Variants in TRIM34 observed in about 807,000 individuals in gnomAD.
TRIM34 encodes tripartite motif containing 34.
A neutral mutation model predicts 38.1 loss-of-function variants in TRIM34; 41 were observed. The ratio of observed to expected loss-of-function variants is 1.08; its 90% CI spans 0.84 to 1.40. The LOEUF (loss-of-function observed/expected upper bound fraction) is 1.40. Among genes scored for constraint, TRIM34 ranks in the 40% most tolerant of loss-of-function variants. TRIM34 has a pLI of 0.00. For missense variants in TRIM34, 556 were observed against 571.4 expected, an observed-to-expected ratio of 0.97 and a Z score of 0.27; for synonymous variants, 200 against 202.5, an observed-to-expected ratio of 0.99 and a Z score of 0.10.
At chr11:5,636,306 G>C (rs959542019) in intron 4 of TRIM34, among the ~76,000 whole-genome samples, 1 of 152,170 alleles carries the variant, frequency 6.6e-6, no homozygotes, top group African/African-American at 2.4e-5. Context: ...TTATATGAAA[G>C]TCTGTAAGTA....
chr11:5,625,191 G>C (rs182840800), intron 1 of TRIM34, 131 bp downstream of exon 1: 1 of 152,218 alleles, frequency 6.6e-6, no homozygotes, highest in Non-Finnish European at 1.5e-5. Context: ...TAGCTTGCAG[G>C]CTTCCTGCTT....
intron 6 of TRIM34, 128 bp from the exon 7 acceptor site, chr11:5,642,688 AT>A (rs1850064839): frequency 1.5e-6 from 2 of 1,333,366 alleles, no homozygotes; most frequent in Non-Finnish European, 2.0e-6. Context: ...TCTCTGGTTT[AT>A]CTTTTTAATT....
chr11:5,630,063 C>G (rs1416120089), intron 1 of TRIM34, among the ~76,000 whole-genome samples: 1 of 152,150 alleles, frequency 6.6e-6, no homozygotes, highest in African/African-American at 2.4e-5. Flanking sequence ...GCGTGTGAAA[C>G]TAACGTAGCT....
At position 5,644,023 on chromosome 11, in the gene TRIM34, C is replaced by T; in HGVS notation, c.*314C>T. ...AAGAGGCCCAAAGCCTGTTAGCCAC[C>T]ATCCATGCTACCTAGGTAGTCCATA... On this transcript the variant is annotated 3_prime_UTR_variant, in exon 8 of 8. Coordinates refer to ENST00000429814, the MANE Select transcript of TRIM34 (RefSeq NM_021616.6). 1 of 455,680 alleles carries T rather than the reference C, an allele frequency of 2.2e-6. No individual in the cohort carries two copies. Among genetic ancestry groups the T allele is most frequent in the South Asian group, 6.8e-5 (1 of 14,612 alleles). The allele number at this position is 455,680 out of a possible 1,614,324, so 28.2% of individuals were successfully genotyped here. A position where few individuals can be genotyped will look rare whatever the true frequency, so the allele number is the denominator to read the frequency against.
In TRIM34 at chr11:5,632,541, T is replaced by C. The variant is rs1590166889; in HGVS notation, c.210T>C (p.Ala70=). 1 of 1,613,942 alleles carries C rather than the reference T, an allele frequency of 6.2e-7. No individual in the cohort carries two copies. The highest frequency in any genetic ancestry group is 8.5e-7 in the Non-Finnish European group (1 of 1,180,002). The change falls in exon 2 of 8, where the codon GCT becomes GCC. Residue 70 remains alanine, a synonymous_variant. Transcript: ENST00000429814. ...GISYSFEHLQ[A]NQHLANIVER... is the part of the protein sequence containing the mutation. ...GTTACTCATTTGAACATCTACAGGC[T>C]AATCAGCATCTGGCCAACATAGTGG...
In TRIM34 at chr11:5,643,383, T is replaced by A. The variant is rs375812190; in HGVS notation, c.1141T>A (p.Cys381Ser). The change falls in exon 8 of 8, where the codon TGT (cysteine) becomes AGT (serine). Residue 381 changes from cysteine to serine, a missense_variant. By Grantham distance (112) the Cys-to-Ser change is moderately radical. Transcript: ENST00000429814. ...CCATATGAAGTATGTTGTTAGAAGA[T>A]GTGCAAATCGTCAAAATCTTTACAC... is the stretch of plus-strand genomic sequence containing the variant. ...SRHMKYVVRR[C>S]ANRQNLYTKY... 1.9e-6 allele frequency: 3 copies of A among 1,614,026 alleles called. No individual in the cohort carries two copies. The African/African-American group carries it at 4.0e-5, about 22-fold the overall frequency.
At position 5,632,294 on chromosome 11, in the gene TRIM34, C is replaced by G. The variant is rs1849513932; in HGVS notation, c.-38C>G. The stretch of plus-strand genomic sequence containing the variant: ...TTAACCAGAAGAGAGAGGAGAGCCT[C>G]AGGAGTTAGGACCAGAAGAAGCCAG... On this transcript the variant is annotated 5_prime_UTR_variant, in exon 2 of 8. Coordinates refer to ENST00000429814, the MANE Select transcript of TRIM34 (RefSeq NM_021616.6). The G allele has an allele frequency of 6.2e-7, 1 of 1,613,434 alleles. No individual in the cohort carries two copies. The highest frequency in any genetic ancestry group is 8.5e-7 in the Non-Finnish European group (1 of 1,179,742).
Position 5,625,079 on chromosome 11 carries a change from G to A in TRIM34, c.-78+19G>A, listed in dbSNP as rs142004451. 6.6e-6 allele frequency: 1 copy of A among 152,204 alleles called. No individual in the cohort carries two copies. The highest frequency in any genetic ancestry group is 6.5e-5 in the Admixed American group (1 of 15,276). The allele number at this position is 152,204 out of a possible 1,614,324, so 9.4% of individuals were successfully genotyped here. ...TCTGAAGGTGTGTGGGGAGGTTTGTGGGGGGTAGAGGGTATGAGACTCCAG... is the reference window on the plus strand; with the variant it reads ...TCTGAAGGTGTGTGGGGAGGTTTGTAGGGGGTAGAGGGTATGAGACTCCAG... On this transcript the variant is annotated intron_variant, in intron 1 of 7. Coordinates refer to ENST00000429814, the MANE Select transcript of TRIM34 (RefSeq NM_021616.6).
chr11:5,636,545 A>G (rs7947715), intron 4 of TRIM34, among the ~76,000 whole-genome samples: 2,340 of 152,286 alleles, frequency 0.015, 45 homozygotes, highest in African/African-American at 0.047. Context: ...AAACAAAAAC[A>G]AAAAGGTTCC....
Position 5,640,203 on chromosome 11 carries a change from C to T in TRIM34, c.751-964C>T, listed in dbSNP as rs568175787. On this transcript the variant is annotated intron_variant, in intron 4 of 7. Coordinates refer to ENST00000429814, the MANE Select transcript of TRIM34 (RefSeq NM_021616.6). ...AAACATCCTTGTCTTTTCTGATCTTCGGGAAAAAGCATTCAGTTTTTCACC... is the reference window on the plus strand; with the variant it reads ...AAACATCCTTGTCTTTTCTGATCTTTGGGAAAAAGCATTCAGTTTTTCACC... 2.0e-4 allele frequency among the ~76,000 whole-genome samples: 31 copies of T among 152,154 alleles called. No individual in the cohort carries two copies. In the South Asian group the frequency reaches 2.7e-3, roughly 13 times the overall value.
chr11:5,641,972 C>T (rs1850032504), intron 5 of TRIM34, among the ~76,000 whole-genome samples: 1 of 152,104 alleles, frequency 6.6e-6, no homozygotes, highest in Non-Finnish European at 1.5e-5. Context: ...TACAGAGCCC[C>T]GTATCACAGT....
chr11:5,626,002 T>G (rs1849204914), intron 1 of TRIM34, among the ~76,000 whole-genome samples: 1 of 152,244 alleles, frequency 6.6e-6, no homozygotes, highest in Non-Finnish European at 1.5e-5. Flanking sequence ...TTGTGAGCAA[T>G]TTGCACCTTG....
chr11:5,636,750 T>G (rs1712543644), intron 4 of TRIM34, among the ~76,000 whole-genome samples: 1 of 152,218 alleles, frequency 6.6e-6, no homozygotes, highest in South Asian at 2.1e-4. Context: ...GGATTAACAT[T>G]TCACTTCTAG....
At position 5,637,580 on chromosome 11, in the gene TRIM34, A is replaced by T. The variant is rs535897725; in HGVS notation, c.750+2719A>T. The stretch of plus-strand genomic sequence containing the variant: ...GAAGATGGCAGTTACTATTATTTAA[A>T]ATTTTTTTTCCAGGTTTCTTAAAAT... On this transcript the variant is annotated intron_variant, in intron 4 of 7. Transcript: ENST00000429814. Among the ~76,000 whole-genome samples, 3 of 152,276 alleles carry T rather than the reference A, an allele frequency of 2.0e-5. No homozygotes were observed. The South Asian group carries it at 6.2e-4, about 32-fold the overall frequency.
chr11:5,633,445 A>G (rs1182548358), intron 2 of TRIM34, among the ~76,000 whole-genome samples: 1 of 152,170 alleles, frequency 6.6e-6, no homozygotes, highest in Non-Finnish European at 1.5e-5. Context: ...TAAGTGATAA[A>G]TTCCTTCCCA....
intron 4 of TRIM34, among the ~76,000 whole-genome samples, chr11:5,635,087 G>A (rs912619977): frequency 6.6e-6 from 1 of 151,992 alleles, no homozygotes; most frequent in African/African-American, 2.4e-5. Flanking sequence ...TAGTCTCTAG[G>A]CCCCTATTAT....
chr11:5,636,508 T>G (rs1164210865), intron 4 of TRIM34, among the ~76,000 whole-genome samples: 7 of 152,212 alleles, frequency 4.6e-5, no homozygotes, highest in Non-Finnish European at 8.8e-5. Context: ...GGGCAAATCT[T>G]ATGGTATTTG....
In TRIM34 at chr11:5,634,830, G is replaced by A. The variant is rs145787574; in HGVS notation, c.719G>A (p.Arg240Gln). ...GAGCTCATCTCAGATGTGGAGTGTC[G>A]GAGTCAGTGGTCAACAATGGAGCTG... Reference protein sequence around the residue: ...VRELISDVECRSQWSTMELLQ... With the variant: ...VRELISDVECQSQWSTMELLQ... The change falls in exon 4 of 8, where the codon CGG becomes CAG. Residue 240 changes from arginine to glutamine, a missense_variant. Transcript: ENST00000429814. 1.9e-5 allele frequency: 31 copies of A among 1,612,898 alleles called. No homozygotes were observed. The highest frequency in any genetic ancestry group is 2.7e-5 in the African/African-American group (2 of 74,842).
chr11:5,634,242 G>C (rs1849614528), intron 3 of TRIM34, among the ~76,000 whole-genome samples: 1 of 152,014 alleles, frequency 6.6e-6, no homozygotes, highest in African/African-American at 2.4e-5. Flanking sequence ...AGTGTGGTAA[G>C]GCAGGCAGTC....
Sources: gnomAD v4.1 joint callset for allele counts (sites outside exome capture counted in the v4.1 genomes callset) on GRCh38, gnomAD v4.1.1 for gene constraint, MANE v1.5 for transcripts, NCBI Gene and HGNC (gene_info 2026-07-23, HGNC 2026-07-21) for gene names.